The following SLC1A2 variants were observed in gnomAD, a reference collection of about 807,000 sequenced individuals.
SLC1A2 encodes the protein excitatory amino acid transporter 2.
A neutral mutation model predicts 48.8 loss-of-function variants in SLC1A2; 15 were observed. That is an observed-to-expected ratio of 0.31 (90% CI 0.21 to 0.47). SLC1A2 has a LOEUF of 0.47. SLC1A2 is among the 20% of genes least tolerant of loss of function. The pLI is 0.99. For missense variants in SLC1A2, 502 were observed against 730.5 expected, an observed-to-expected ratio of 0.69 and a Z score of 3.61; for synonymous variants, 279 against 272.6, an observed-to-expected ratio of 1.02 and a Z score of -0.23.
intron 1 of SLC1A2, among the ~76,000 whole-genome samples, chr11:35,349,958 T>C (rs1006245209): frequency 1.3e-5 from 2 of 152,136 alleles, no homozygotes; most frequent in Non-Finnish European, 2.9e-5. Context: ...CAGAGAGACC[T>C]AGGTACCAAT....
chr11:35,420,272 G>T (rs958572552), upstream of SLC1A2, among the ~76,000 whole-genome samples: 2 of 151,478 alleles, frequency 1.3e-5, no homozygotes, highest in Non-Finnish European at 2.9e-5. Context: ...CTGCTTCCGT[G>T]TCCCGGGGGC....
intron 10 of SLC1A2, among the ~76,000 whole-genome samples, chr11:35,262,943 TG>T (rs922662206): frequency 1.3e-5 from 2 of 152,170 alleles, no homozygotes; most frequent in African/African-American, 4.8e-5. Context: ...ACTATCTCTA[TG>T]GAACTGTCCA....
intron 6 of SLC1A2, among the ~76,000 whole-genome samples, chr11:35,297,529 G>A (rs1851211166): frequency 6.6e-6 from 1 of 152,060 alleles, no homozygotes; most frequent in South Asian, 2.1e-4. Context: ...GTGGATGGAT[G>A]GTGGTTTATT....
chr11:35,370,780 T>A (rs1278250847), intron 1 of SLC1A2, among the ~76,000 whole-genome samples: 1 of 151,992 alleles, frequency 6.6e-6, no homozygotes, highest in African/African-American at 2.4e-5. Context: ...GAAAGTGAAA[T>A]CCCCATTGCT....
chr11:35,366,706 C>T (rs1487730843), intron 1 of SLC1A2, among the ~76,000 whole-genome samples: 1 of 152,134 alleles, frequency 6.6e-6, no homozygotes, highest in Admixed American at 6.6e-5. Context: ...AAATCTGCTC[C>T]TAGGAACCCA....
chr11:35,379,482 T>C (rs933779583), intron 1 of SLC1A2, among the ~76,000 whole-genome samples: 24 of 152,346 alleles, frequency 1.6e-4, no homozygotes, highest in Admixed American at 1.2e-3. Context: ...ACATGGCACC[T>C]GTGCCTCGGA....
At chr11:35,326,327 G>A (rs1455153263) in intron 1 of SLC1A2, among the ~76,000 whole-genome samples, 4 of 152,206 alleles carry the variant, frequency 2.6e-5, no homozygotes, top group African/African-American at 9.6e-5. Context: ...AAGAGCCACT[G>A]GAACCCTGAG....
intron 3 of SLC1A2, 112 bp downstream of exon 3, chr11:35,314,911 G>A: frequency 1.5e-6 from 1 of 675,366 alleles, no homozygotes; most frequent in Non-Finnish European, 2.5e-6. Context: ...GCTCTGAAAT[G>A]AAATGACATA....
At chr11:35,376,422 G>A (rs11033104) in intron 1 of SLC1A2, among the ~76,000 whole-genome samples, 71,481 of 151,998 alleles carry the variant, frequency 0.47, 17,544 homozygotes, top group East Asian at 0.73. Flanking sequence ...ATGCTCTATG[G>A]TTATGTAATA....
chr11:35,409,027 ACAATG>A (rs1855382960), intron 1 of SLC1A2, among the ~76,000 whole-genome samples: 1 of 152,274 alleles, frequency 6.6e-6, no homozygotes, highest in South Asian at 2.1e-4. Context: ...AAACACAAAC[ACAATG>A]ATAATCAATG....
intron 1 of SLC1A2, among the ~76,000 whole-genome samples, chr11:35,371,947 G>A (rs557307208): frequency 6.6e-6 from 1 of 152,220 alleles, no homozygotes; most frequent in Non-Finnish European, 1.5e-5. Context: ...AAAACAAAAT[G>A]ATAGTAGCCT....
At chr11:35,381,194 A>G (rs1399575622) in intron 1 of SLC1A2, among the ~76,000 whole-genome samples, 1 of 152,072 alleles carries the variant, frequency 6.6e-6, no homozygotes, top group African/African-American at 2.4e-5. Flanking sequence ...GATTGTCATC[A>G]CACGGTGATC....
chr11:35,413,494 A>C (rs1389713361), intron 1 of SLC1A2, among the ~76,000 whole-genome samples: 1 of 152,186 alleles, frequency 6.6e-6, no homozygotes, highest in Non-Finnish European at 1.5e-5. Flanking sequence ...GGATATAATC[A>C]CTCAATAAAT....
At chr11:35,282,165 G>A (rs904463131) in intron 8 of SLC1A2, among the ~76,000 whole-genome samples, 28 of 151,966 alleles carry the variant, frequency 1.8e-4, no homozygotes, top group African/African-American at 6.8e-4. Flanking sequence ...ATAGACACTT[G>A]CCCTGGGTGT....
At chr11:35,325,406 C>T (rs1331522372) in intron 1 of SLC1A2, among the ~76,000 whole-genome samples, 2 of 152,188 alleles carry the variant, frequency 1.3e-5, no homozygotes, top group Non-Finnish European at 2.9e-5. Context: ...AACATAAACA[C>T]TTTGAGGACA....
At chr11:35,377,217 C>A (rs1854269410) in intron 1 of SLC1A2, among the ~76,000 whole-genome samples, 1 of 152,224 alleles carries the variant, frequency 6.6e-6, no homozygotes, top group Non-Finnish European at 1.5e-5. Context: ...GGTTAAGCAA[C>A]TTCCCAAGGA....
At chr11:35,401,932 A>G (rs1855151918) in intron 1 of SLC1A2, among the ~76,000 whole-genome samples, 1 of 152,098 alleles carries the variant, frequency 6.6e-6, no homozygotes, top group Non-Finnish European at 1.5e-5. Flanking sequence ...TGCCTGTCCT[A>G]GGCTTGAAAT....
chr11:35,339,847 T>C (rs569634600), intron 1 of SLC1A2, among the ~76,000 whole-genome samples: 4 of 152,290 alleles, frequency 2.6e-5, no homozygotes, highest in Admixed American at 6.5e-5. Flanking sequence ...GTATCTCAAA[T>C]GAGAGGGTGA....
At chr11:35,362,018 T>G (rs976664855) in intron 1 of SLC1A2, among the ~76,000 whole-genome samples, 1 of 152,148 alleles carries the variant, frequency 6.6e-6, no homozygotes, top group African/African-American at 2.4e-5. Context: ...GTCATCATAT[T>G]GGTAGGATTC....
Sources: allele counts gnomAD v4.1 joint callset (sites outside exome capture counted in the v4.1 genomes callset), GRCh38; gene constraint gnomAD v4.1.1; transcripts MANE v1.5; gene names NCBI Gene and HGNC (gene_info 2026-07-23, HGNC 2026-07-21).